POFUT3: variants seen among roughly 807,000 people sequenced by gnomAD.
The protein encoded by POFUT3 is protein O-fucosyltransferase 3, also known as GDP-fucose protein O-fucosyltransferase 3.
At chr8:33,351,087 T>C in the POFUT3 span, among the ~76,000 whole-genome samples, 2 of 152,046 alleles carry the variant, frequency 1.3e-5, no homozygotes, top group African/African-American at 4.8e-5. Context: ...CCCGAGTACC[T>C]GGGATTACAG....
the POFUT3 span, among the ~76,000 whole-genome samples, chr8:33,314,348 G>GGT: frequency 6.6e-6 from 1 of 152,122 alleles, no homozygotes; most frequent in African/African-American, 2.4e-5. Flanking sequence ...CCACTCCCAA[G>GGT]GTGTTCTTTT....
At chr8:33,318,666 AT>A in the POFUT3 span, among the ~76,000 whole-genome samples, 1 of 66,070 alleles carries the variant, frequency 1.5e-5, no homozygotes, top group Non-Finnish European at 2.6e-5. Flanking sequence ...TATATAATAT[AT>A]AAATATATTG....
chr8:33,327,700 G>C, the POFUT3 span, among the ~76,000 whole-genome samples: 1 of 152,172 alleles, frequency 6.6e-6, no homozygotes, highest in African/African-American at 2.4e-5. Context: ...GCCTTTGGAG[G>C]AAAGAAAGTG....
At chr8:33,397,342 G>A in the POFUT3 span, among the ~76,000 whole-genome samples, 1 of 152,272 alleles carries the variant, frequency 6.6e-6, no homozygotes, top group South Asian at 2.1e-4. Context: ...GTGTGGGTCC[G>A]TGGGTCTCTG....
chr8:33,409,398 C>T, the POFUT3 span, among the ~76,000 whole-genome samples: 27 of 152,250 alleles, frequency 1.8e-4, no homozygotes, highest in South Asian at 4.6e-3. Flanking sequence ...CCACTGCACC[C>T]GGCCTGATCT....
chr8:33,322,232 G>C, the POFUT3 span, among the ~76,000 whole-genome samples: 2 of 152,078 alleles, frequency 1.3e-5, no homozygotes, highest in African/African-American at 4.8e-5. Flanking sequence ...ATCAGGACTT[G>C]TCCTGAGCCC....
the POFUT3 span, among the ~76,000 whole-genome samples, chr8:33,417,180 T>C: frequency 2.6e-5 from 4 of 152,154 alleles, no homozygotes; most frequent in East Asian, 7.7e-4. Flanking sequence ...GGGATCCAGG[T>C]TGCACGCTCC....
the POFUT3 span, chr8:33,456,002 A>G: frequency 2.8e-6 from 1 of 353,612 alleles, no homozygotes; most frequent in Non-Finnish European, 5.5e-6. Flanking sequence ...TGAGACGCCA[A>G]AGTCAACACT....
the POFUT3 span, chr8:33,436,374 T>C: frequency 1.3e-5 from 18 of 1,377,612 alleles, no homozygotes; most frequent in East Asian, 3.1e-4. Flanking sequence ...TTTCATGATG[T>C]CACATTCAAC....
the POFUT3 span, among the ~76,000 whole-genome samples, chr8:33,381,395 T>C: frequency 6.6e-6 from 1 of 152,172 alleles, no homozygotes; most frequent in African/African-American, 2.4e-5. Flanking sequence ...ATTTAAAACA[T>C]CACATTTAAT....
chr8:33,434,611 G>A, the POFUT3 span, among the ~76,000 whole-genome samples: 2 of 152,070 alleles, frequency 1.3e-5, no homozygotes, highest in South Asian at 2.1e-4. Flanking sequence ...ATGATCACTC[G>A]TGCCCCACTG....
chr8:33,472,732 G>A, the POFUT3 span, among the ~76,000 whole-genome samples: 1 of 152,180 alleles, frequency 6.6e-6, no homozygotes, highest in Non-Finnish European at 1.5e-5. Flanking sequence ...GGGAGGCGCC[G>A]GGACCCCGCG....
At chr8:33,346,455 T>C in the POFUT3 span, among the ~76,000 whole-genome samples, 1 of 152,230 alleles carries the variant, frequency 6.6e-6, no homozygotes, top group Non-Finnish European at 1.5e-5. Context: ...CACTGCTGCC[T>C]CTCCATTTTA....
chr8:33,444,043 G>C, the POFUT3 span, among the ~76,000 whole-genome samples: 1 of 151,470 alleles, frequency 6.6e-6, no homozygotes, highest in Non-Finnish European at 1.5e-5. Context: ...TAAGCAGTAG[G>C]GCTATAGCAA....
the POFUT3 span, among the ~76,000 whole-genome samples, chr8:33,393,762 A>AT: frequency 3.3e-5 from 5 of 152,228 alleles, no homozygotes; most frequent in African/African-American, 1.2e-4. Flanking sequence ...ATTCCATGGA[A>AT]TGACATTCTT....
chr8:33,435,834 T>TA, the POFUT3 span, among the ~76,000 whole-genome samples: 1 of 149,466 alleles, frequency 6.7e-6, no homozygotes, highest in Admixed American at 6.6e-5. Context: ...TTTTTATATA[T>TA]TTTTTTTCAA....
the POFUT3 span, among the ~76,000 whole-genome samples, chr8:33,416,818 C>G: frequency 1.4e-5 from 2 of 146,080 alleles, no homozygotes; most frequent in Admixed American, 1.4e-4. Flanking sequence ...TGCACTCCAG[C>G]CTGGGCGACG....
the POFUT3 span, among the ~76,000 whole-genome samples, chr8:33,413,217 G>C: frequency 6.6e-6 from 1 of 152,112 alleles, no homozygotes; most frequent in South Asian, 2.1e-4. Flanking sequence ...TAATGTCTTT[G>C]TACTGAGAGG....
chr8:33,314,576 T>C, the POFUT3 span, among the ~76,000 whole-genome samples: 1 of 152,190 alleles, frequency 6.6e-6, no homozygotes, highest in Non-Finnish European at 1.5e-5. Flanking sequence ...CTCACATGTG[T>C]AAAGCACTGG....
Sources: gnomAD v4.1 joint callset for allele counts (sites outside exome capture counted in the v4.1 genomes callset) on GRCh38, gnomAD v4.1.1 for gene constraint, MANE v1.5 for transcripts, NCBI Gene and HGNC (gene_info 2026-07-23, HGNC 2026-07-21) for gene names.